The following MYT1L variants were observed in gnomAD, a reference collection of about 807,000 sequenced individuals.
MYT1L encodes myelin transcription factor 1 like.
MYT1L carries 12 observed loss-of-function variants against 126.7 expected under a neutral mutation model. That is an observed-to-expected ratio of 0.09 (90% CI 0.06 to 0.15). MYT1L has a LOEUF of 0.15. Ranked by LOEUF, MYT1L falls within the 10% of genes least tolerant of loss-of-function variation. The pLI, the probability that MYT1L is intolerant of heterozygous loss-of-function variation, is 1.00. For synonymous variants in MYT1L, 541 were observed against 604.2 expected (o/e 0.90, Z 1.53); for missense variants, 979 against 1,585.2 (o/e 0.62, Z 6.49).
intron 5 of MYT1L, among the ~76,000 whole-genome samples, chr2:1,989,794 C>T (rs11127294): frequency 2.6e-4 from 39 of 152,072 alleles, no homozygotes; most frequent in African/African-American, 7.2e-4. Flanking sequence ...GTCAGGAGTT[C>T]GAGACCAGCC....
chr2:1,817,617 A>G lies in MYT1L; in HGVS notation c.3081-8450T>C, dbSNP rs140198984. Among the ~76,000 whole-genome samples the G allele has an allele frequency of 3.7e-3, 564 of 152,272 alleles. 1 individual carries two copies. Among genetic ancestry groups the G allele is most frequent in the Non-Finnish European group, 5.5e-3 (375 of 68,004 alleles). On this transcript the variant is annotated intron_variant, in intron 21 of 24. Coordinates refer to ENST00000647738, the MANE Select transcript of MYT1L (RefSeq NM_001303052.2). ...TGACTGCACTGCCAGCTCAGGTCCA[A>G]TTTGGAAGAGAACCCTGGGAGCAGG...
At chr2:2,011,031 A>G (rs553535229) in intron 4 of MYT1L, among the ~76,000 whole-genome samples, 4 of 152,296 alleles carry the variant, frequency 2.6e-5, no homozygotes, top group African/African-American at 7.2e-5. Flanking sequence ...GCATGTCCCT[A>G]TCTCACACTG....
intron 8 of MYT1L, among the ~76,000 whole-genome samples, chr2:1,976,210 C>T (rs891486885): frequency 1.3e-5 from 2 of 151,976 alleles, no homozygotes; most frequent in Non-Finnish European, 2.9e-5. Context: ...GCCTGGTGTC[C>T]TATTCCCATC....
chr2:1,849,670 C>T (rs1322612730), intron 19 of MYT1L, among the ~76,000 whole-genome samples: 1 of 152,252 alleles, frequency 6.6e-6, no homozygotes, highest in Non-Finnish European at 1.5e-5. Flanking sequence ...CTTGCCAGCA[C>T]TGCAGAGGCT....
At chr2:1,884,480 A>G (rs554216110) in intron 18 of MYT1L, among the ~76,000 whole-genome samples, 58 of 152,370 alleles carry the variant, frequency 3.8e-4, no homozygotes, top group African/African-American at 1.2e-3. Context: ...AACAGATAAA[A>G]GGGGTCACCA....
At position 2,279,564 on chromosome 2, in the gene MYT1L, TGAATGAAG is replaced by T. The variant is rs1248049424; in HGVS notation, c.-421+4832_-421+4839del. Among the ~76,000 whole-genome samples, 523 of 121,670 alleles carry T rather than the reference TGAATGAAG, an allele frequency of 4.3e-3. 3 individuals are homozygous for T. The South Asian group carries it at 0.051, about 12-fold the overall frequency. 79.8% of individuals were successfully genotyped at this position (121,670 alleles called of 152,430 possible). A position where few individuals can be genotyped will look rare whatever the true frequency, so the allele number is the denominator to read the frequency against. On this transcript the variant is annotated intron_variant, in intron 2 of 24. Transcript: ENST00000647738. Reference sequence around the variant, plus strand: ...GAGAGAGAAAGAGAGAAGGAATGAATGAATGAAGGAAGGAAGGAAGGAAGGAAGGAAGG... The same window carrying T: ...GAGAGAGAAAGAGAGAAGGAATGAATGAAGGAAGGAAGGAAGGAAGGAAGG...
chr2:2,149,793 G>A (rs2085454441), intron 3 of MYT1L, among the ~76,000 whole-genome samples: 1 of 151,400 alleles, frequency 6.6e-6, no homozygotes. Flanking sequence ...TCCCAGGTCT[G>A]CATTTCAGGC....
At chr2:2,274,382 G>A (rs1312078961) in intron 2 of MYT1L, among the ~76,000 whole-genome samples, 3 of 151,946 alleles carry the variant, frequency 2.0e-5, no homozygotes, top group African/African-American at 7.3e-5. Context: ...GAGGGAGAGA[G>A]GACAGTGGGC....
rs748369497 is a variant in MYT1L at position 2,027,129 on chromosome 2, G to A, written c.-158+26849C>T. On this transcript the variant is annotated intron_variant, in intron 4 of 24. Transcript: ENST00000647738. ...GTGTGAACCCCCCATCGCCGCTGCC[G>A]CCACAGACTGAGCCGCCCCTGAGAG... Among the ~76,000 whole-genome samples the A allele has an allele frequency of 3.0e-4, 46 of 152,266 alleles. 1 individual carries two copies. Among genetic ancestry groups the A allele is most frequent in the Admixed American group, 1.5e-3 (23 of 15,298 alleles).
chr2:2,053,471 G>T (rs2069094737), intron 4 of MYT1L, among the ~76,000 whole-genome samples: 1 of 152,150 alleles, frequency 6.6e-6, no homozygotes, highest in Admixed American at 6.6e-5. Flanking sequence ...AGTTTTTCAA[G>T]AAGCATGACT....
chr2:1,910,281 G>A lies in MYT1L; in HGVS notation c.1776C>T (p.Cys592=), dbSNP rs547134953. Residue 592 remains cysteine (C), a synonymous_variant, in exon 13 of 25, where the codon TGC becomes TGT. Coordinates refer to ENST00000647738, the MANE Select transcript of MYT1L (RefSeq NM_001303052.2). The surrounding 1 kb of genome is among the most constrained non-coding windows in gnomAD (Gnocchi z 4.8). The part of the protein sequence containing the change: ...LAKAQEKHQS[C]DVSKSSQASD... ...AGGCCTGGCTGGACTTGGACACGTCGCAGCTCTGGTGCTTTTCCTGTGCCT... is the reference window on the plus strand; with the variant it reads ...AGGCCTGGCTGGACTTGGACACGTCACAGCTCTGGTGCTTTTCCTGTGCCT... 1.5e-5 allele frequency: 25 copies of A among 1,613,104 alleles called. No individual in the cohort carries two copies. The highest frequency in any genetic ancestry group is 1.8e-5 in the Non-Finnish European group (21 of 1,179,904).
intron 3 of MYT1L, among the ~76,000 whole-genome samples, chr2:2,152,193 G>A (rs1014912107): frequency 3.3e-5 from 5 of 152,234 alleles, no homozygotes; most frequent in South Asian, 2.1e-4. Context: ...CACTGTGACC[G>A]TTGACCTGAT....
At chr2:2,029,646 A>G (rs906756537) in intron 4 of MYT1L, among the ~76,000 whole-genome samples, 3 of 152,210 alleles carry the variant, frequency 2.0e-5, no homozygotes, top group African/African-American at 7.2e-5. Flanking sequence ...GCACACACAC[A>G]CACAGTATAG....
chr2:2,047,346 C>T (rs1446736787), intron 4 of MYT1L, among the ~76,000 whole-genome samples: 2 of 152,158 alleles, frequency 1.3e-5, no homozygotes, highest in Non-Finnish European at 2.9e-5. Context: ...GATATTAACG[C>T]TAACATGATT....
At chr2:2,268,115 C>T (rs1173266021) in intron 2 of MYT1L, among the ~76,000 whole-genome samples, 1 of 152,074 alleles carries the variant, frequency 6.6e-6, no homozygotes, top group African/African-American at 2.4e-5. Flanking sequence ...TTTCCAATTC[C>T]ATGCAAGCCC....
At position 1,806,196 on chromosome 2, in the gene MYT1L, G is replaced by T. The variant is rs1272529390; in HGVS notation, c.3172+2880C>A. On this transcript the variant is annotated intron_variant, in intron 22 of 24. Transcript: ENST00000647738. The surrounding 1 kb of genome is among the most constrained non-coding windows in gnomAD (Gnocchi z 4.9). ...TAAGAAAGAACTATCTCAGTTTGGTGCAAACAGTGTCAGGAATCGACAGCC... is the reference window on the plus strand; with the variant it reads ...TAAGAAAGAACTATCTCAGTTTGGTTCAAACAGTGTCAGGAATCGACAGCC... 1.3e-5 allele frequency among the ~76,000 whole-genome samples: 2 copies of T among 152,206 alleles called. No homozygotes were observed. The highest frequency in any genetic ancestry group is 2.9e-5 in the Non-Finnish European group (2 of 68,044).
At chr2:2,204,308 A>G (rs2093214183) in intron 2 of MYT1L, among the ~76,000 whole-genome samples, 1 of 151,816 alleles carries the variant, frequency 6.6e-6, no homozygotes, top group African/African-American at 2.4e-5. Context: ...AGAAACTACC[A>G]TCAGAGTGAA....
At chr2:2,080,740 A>G (rs1462382363) in intron 3 of MYT1L, among the ~76,000 whole-genome samples, 1 of 152,244 alleles carries the variant, frequency 6.6e-6, no homozygotes, top group African/African-American at 2.4e-5. Flanking sequence ...GAACTCTCAT[A>G]CATTGCAGGT....
At chr2:1,853,695 T>A (rs1425367556) in intron 18 of MYT1L, among the ~76,000 whole-genome samples, 1 of 152,224 alleles carries the variant, frequency 6.6e-6, no homozygotes, top group African/African-American at 2.4e-5. Context: ...AGAAAAAGAT[T>A]CTTAAACTTT....
Sources: gnomAD v4.1 joint callset for allele counts (sites outside exome capture counted in the v4.1 genomes callset) on GRCh38, gnomAD v4.1.1 for gene constraint, Gnocchi (gnomAD v3.1) non-coding constraint, MANE v1.5 for transcripts, NCBI Gene and HGNC (gene_info 2026-07-23, HGNC 2026-07-21) for gene names.